CTNNA3: variants seen among roughly 807,000 people sequenced by gnomAD.
CTNNA3 encodes the protein catenin alpha 3.
Under a neutral mutation model 95.7 loss-of-function variants are expected in CTNNA3, and 76 were observed. The ratio of observed to expected loss-of-function variants is 0.79; its 90% confidence interval spans 0.66 to 0.96. CTNNA3 has a LOEUF of 0.96. CTNNA3 is among the 40% of genes least tolerant of loss of function. The pLI is 0.00. For missense variants in CTNNA3, 1,191 were observed against 1,089.8 expected (o/e 1.09, Z -1.31); for synonymous variants, 431 against 374.4 (o/e 1.15, Z -1.74).
Position 65,913,476 on chromosome 10 carries a change from G to T in CTNNA3, c.*6854C>A, listed in dbSNP as rs1589123259. 6.6e-6 allele frequency: 1 copy of T among 151,990 alleles called. No individual in the cohort carries two copies. Among genetic ancestry groups the T allele is most frequent in the South Asian group, 2.1e-4 (1 of 4,808 alleles). The allele number at this position is 151,990 out of a possible 1,614,324, so 9.4% of individuals were successfully genotyped here. On this transcript the variant is annotated 3_prime_UTR_variant, in exon 18 of 18. Coordinates refer to ENST00000433211, the MANE Select transcript of CTNNA3 (RefSeq NM_013266.4). ...GGTCTAAGGAAATTTTCTTTGGAGG[G>T]ACTGTACCACATGAGAAAAATTTGC...
chr10:66,716,424 C>T (rs1306933524), intron 9 of CTNNA3, among the ~76,000 whole-genome samples: 3 of 152,166 alleles, frequency 2.0e-5, no homozygotes, highest in Non-Finnish European at 2.9e-5. Context: ...ATGTTCATCT[C>T]TCATATTGAC....
At chr10:66,330,072 C>CT (rs935987695) in intron 12 of CTNNA3, among the ~76,000 whole-genome samples, 27 of 151,742 alleles carry the variant, frequency 1.8e-4, no homozygotes, top group African/African-American at 5.3e-4. Context: ...GCACATATTT[C>CT]TTTTTTTTAT....
In CTNNA3 at chr10:67,321,999, C is replaced by T. The variant is rs149032313; in HGVS notation, c.580-102129G>A. ...TCAGCCAGGCCTAGTGTGTGCGCCA[C>T]ACAGATCACAAACCTGTCAAACCTT... On this transcript the variant is annotated intron_variant, in intron 5 of 17. Coordinates refer to ENST00000433211, the MANE Select transcript of CTNNA3 (RefSeq NM_013266.4). Among the ~76,000 whole-genome samples the T allele has an allele frequency of 2.4e-4, 36 of 152,196 alleles. No individual in the cohort carries two copies. The East Asian group carries it at 6.6e-3, about 28-fold the overall frequency.
chr10:67,458,364 G>C (rs1847248586), intron 5 of CTNNA3, among the ~76,000 whole-genome samples: 1 of 152,016 alleles, frequency 6.6e-6, no homozygotes, highest in Non-Finnish European at 1.5e-5. Flanking sequence ...CCAGAACAAA[G>C]AGTAACTTGC....
intron 5 of CTNNA3, among the ~76,000 whole-genome samples, chr10:67,244,792 GT>G (rs1283457543): frequency 6.6e-6 from 1 of 152,186 alleles, no homozygotes; most frequent in Non-Finnish European, 1.5e-5. Flanking sequence ...ATGAAAGTCA[GT>G]TGGCTTGCTA....
At chr10:67,420,368 G>A (rs1458836491) in intron 5 of CTNNA3, among the ~76,000 whole-genome samples, 1 of 152,086 alleles carries the variant, frequency 6.6e-6, no homozygotes, top group Non-Finnish European at 1.5e-5. Context: ...GCAGCAATAA[G>A]TCAGCATAAC....
At chr10:67,045,837 C>G (rs1270874108) in intron 7 of CTNNA3, among the ~76,000 whole-genome samples, 1 of 152,164 alleles carries the variant, frequency 6.6e-6, no homozygotes, top group African/African-American at 2.4e-5. Context: ...GTGAAGCCTT[C>G]CTGACTCCTA....
At chr10:66,999,829 T>G (rs987646108) in intron 7 of CTNNA3, among the ~76,000 whole-genome samples, 4 of 152,202 alleles carry the variant, frequency 2.6e-5, no homozygotes, top group African/African-American at 9.6e-5. Context: ...TGTATACTAA[T>G]TCTAGTCTTA....
At chr10:66,905,851 C>T (rs1243592600) in intron 7 of CTNNA3, among the ~76,000 whole-genome samples, 1 of 152,050 alleles carries the variant, frequency 6.6e-6, no homozygotes, top group Non-Finnish European at 1.5e-5. Flanking sequence ...GAGAAAATTG[C>T]TTTTTAATAG....
At chr10:65,974,506 CAT>C in intron 16 of CTNNA3, among the ~76,000 whole-genome samples, 1 of 152,034 alleles carries the variant, frequency 6.6e-6, no homozygotes, top group Non-Finnish European at 1.5e-5. Flanking sequence ...ACTCAAATAC[CAT>C]ATGTTCTTAC....
At chr10:66,754,169 G>A (rs7070631) in intron 9 of CTNNA3, among the ~76,000 whole-genome samples, 6,871 of 152,234 alleles carry the variant, frequency 0.045, 558 homozygotes, top group African/African-American at 0.16. Context: ...AGTGGTACTG[G>A]CATAAAGGTT....
At chr10:67,379,342 G>A (rs1445151861) in intron 5 of CTNNA3, among the ~76,000 whole-genome samples, 1 of 152,046 alleles carries the variant, frequency 6.6e-6, no homozygotes, top group African/African-American at 2.4e-5. Flanking sequence ...TCTACAAAAC[G>A]AAGGTGATAT....
At chr10:67,717,744 G>A (rs987459348) in intron 1 of CTNNA3, among the ~76,000 whole-genome samples, 2 of 152,104 alleles carry the variant, frequency 1.3e-5, no homozygotes, top group Non-Finnish European at 2.9e-5. Flanking sequence ...TTTGAAGTCG[G>A]GTAGCATGAT....
intron 11 of CTNNA3, among the ~76,000 whole-genome samples, chr10:66,520,155 C>T (rs1841004432): frequency 6.6e-6 from 1 of 151,396 alleles, no homozygotes; most frequent in Non-Finnish European, 1.5e-5. Context: ...GACACAACTG[C>T]TGCTAATACA....
chr10:67,106,216 A>AAAC (rs1168095416), intron 7 of CTNNA3, among the ~76,000 whole-genome samples: 2 of 152,242 alleles, frequency 1.3e-5, no homozygotes, highest in African/African-American at 4.8e-5. Context: ...TCTAACAGAT[A>AAAC]AACATTTTAT....
At chr10:66,867,245 C>A (rs1268489807) in intron 7 of CTNNA3, among the ~76,000 whole-genome samples, 1 of 152,172 alleles carries the variant, frequency 6.6e-6, no homozygotes, top group Non-Finnish European at 1.5e-5. Context: ...TGAAACAACT[C>A]AAAAACTCCA....
intron 16 of CTNNA3, among the ~76,000 whole-genome samples, chr10:65,980,448 TAGAG>T (rs1363766490): frequency 6.6e-6 from 1 of 150,452 alleles, no homozygotes; most frequent in Non-Finnish European, 1.5e-5. Flanking sequence ...TTCCACAGGA[TAGAG>T]AAAGAGGAAA....
chr10:67,177,642 T>C (rs7899496), intron 7 of CTNNA3, among the ~76,000 whole-genome samples: 55,570 of 151,974 alleles, frequency 0.37, 14,560 homozygotes, highest in African/African-American at 0.75. Context: ...GAGCAAACGG[T>C]GAGCAAGGTT....
At chr10:67,072,645 A>G (rs114683914) in intron 7 of CTNNA3, among the ~76,000 whole-genome samples, 2,005 of 152,242 alleles carry the variant, frequency 0.013, 47 homozygotes, top group African/African-American at 0.045. Context: ...CTATACTTGT[A>G]AGCCATGACA....
Sources: allele counts gnomAD v4.1 joint callset (sites outside exome capture counted in the v4.1 genomes callset), GRCh38; gene constraint gnomAD v4.1.1; transcripts MANE v1.5; gene names NCBI Gene and HGNC (gene_info 2026-07-23, HGNC 2026-07-21).